TTC23: variants seen among roughly 807,000 people sequenced by gnomAD.
TTC23 encodes tetratricopeptide repeat domain 23, also known as tetratricopeptide repeat protein 23.
In TTC23, 58 loss-of-function variants were observed where a neutral mutation model predicts 55.1. That is an observed-to-expected ratio of 1.05 (90% CI 0.85 to 1.31). TTC23 has a LOEUF of 1.31. TTC23 is among the 50% of genes most tolerant of loss of function. TTC23 has a pLI of 0.00. For missense variants in TTC23, 516 were observed against 534.4 expected, an observed-to-expected ratio of 0.97 and a Z score of 0.34; for synonymous variants, 203 against 199.9, an observed-to-expected ratio of 1.02 and a Z score of -0.13.
At chr15:99,168,922 C>T (rs1332983753) in intron 10 of TTC23, among the ~76,000 whole-genome samples, 1 of 152,152 alleles carries the variant, frequency 6.6e-6, no homozygotes, top group Non-Finnish European at 1.5e-5. Flanking sequence ...GTGGGTAGCA[C>T]CTGGGTTCCA....
In TTC23 at chr15:99,156,293, G is replaced by T; in HGVS notation, c.998C>A (p.Ala333Glu). The T allele has an allele frequency of 6.2e-7, 1 of 1,614,150 alleles. No homozygotes were observed. The highest frequency in any genetic ancestry group is 8.5e-7 in the Non-Finnish European group (1 of 1,180,000). Reference sequence around the variant, plus strand: ...CAGGGACTCTCTCAGGATCGAGGTTGCTCTCTGTGAAAGGAACAAAAAGCT... The same window carrying T: ...CAGGGACTCTCTCAGGATCGAGGTTTCTCTCTGTGAAAGGAACAAAAAGCT... The part of the protein sequence containing the change: ...FLQMTGQKER[A>E]TSILRESLEA... Residue 333 changes from alanine to glutamate, a missense_variant, in exon 12 of 14, where the codon GCA becomes GAA. Transcript: ENST00000394132.
chr15:99,226,423 A>G (rs1366484282), intron 5 of TTC23, among the ~76,000 whole-genome samples: 1 of 152,242 alleles, frequency 6.6e-6, no homozygotes, highest in Non-Finnish European at 1.5e-5. Flanking sequence ...AATAAAGCAA[A>G]TGTTAAAAAT....
At chr15:99,205,475 T>C (rs1003558008) in intron 8 of TTC23, among the ~76,000 whole-genome samples, 1 of 152,134 alleles carries the variant, frequency 6.6e-6, no homozygotes, top group Non-Finnish European at 1.5e-5. Flanking sequence ...ATCAATGTTT[T>C]ATAGTTTTCA....
intron 8 of TTC23, among the ~76,000 whole-genome samples, chr15:99,214,286 T>C (rs1356511248): frequency 1.3e-5 from 2 of 151,714 alleles, no homozygotes; most frequent in East Asian, 3.9e-4. Context: ...GGTGGGCACA[T>C]CACAAGGTCA....
chr15:99,175,126 G>A lies in TTC23; in HGVS notation c.789C>T (p.Pro263=). The A allele has an allele frequency of 1.9e-6, 3 of 1,614,184 alleles. No individual in the cohort carries two copies. Among genetic ancestry groups the A allele is most frequent in the African/African-American group, 1.3e-5 (1 of 75,046 alleles). ...CCGAGTCTGCTGCCTCCACTTGAGA[G>A]GGGCTTCTACTCAGGATGATAAGAT... ...QAHLIILSRS[P]SQVEAADSAH... Residue 263 remains proline, a synonymous_variant, in exon 10 of 14, where the codon CCC becomes CCT. Transcript: ENST00000394132.
intron 9 of TTC23, among the ~76,000 whole-genome samples, chr15:99,192,558 T>C (rs143721492): frequency 2.0e-5 from 3 of 152,174 alleles, no homozygotes; most frequent in Non-Finnish European, 4.4e-5. Context: ...AAATCATGAA[T>C]TGAAGTTTGG....
chr15:99,146,536 C>G (rs551921407), intron 12 of TTC23, among the ~76,000 whole-genome samples: 1 of 152,202 alleles, frequency 6.6e-6, no homozygotes, highest in Non-Finnish European at 1.5e-5. Flanking sequence ...AGCGAAGCTC[C>G]GAAAAACCGC....
At chr15:99,189,783 A>G (rs2075067470) in intron 9 of TTC23, among the ~76,000 whole-genome samples, 1 of 152,228 alleles carries the variant, frequency 6.6e-6, no homozygotes, top group African/African-American at 2.4e-5. Context: ...AACTAAATGT[A>G]ATACATGATC....
chr15:99,193,984 G>T (rs573191983), intron 9 of TTC23, among the ~76,000 whole-genome samples: 1 of 151,962 alleles, frequency 6.6e-6, no homozygotes. Context: ...ACTCCAGCCT[G>T]GGTGGCAAGA....
chr15:99,189,657 C>T (rs578167425), intron 9 of TTC23, among the ~76,000 whole-genome samples: 1 of 152,164 alleles, frequency 6.6e-6, no homozygotes, highest in East Asian at 1.9e-4. Context: ...TTAGACAAAC[C>T]CAAACTAAGG....
chr15:99,194,097 G>A (rs1340523580), intron 9 of TTC23, among the ~76,000 whole-genome samples: 2 of 152,022 alleles, frequency 1.3e-5, no homozygotes, highest in African/African-American at 2.4e-5. Flanking sequence ...GGATAGATCT[G>A]GATTTAGTCA....
intron 4 of TTC23, among the ~76,000 whole-genome samples, chr15:99,229,157 A>C (rs1057039759): frequency 1.9e-4 from 29 of 152,126 alleles, no homozygotes; most frequent in African/African-American, 6.0e-4. Flanking sequence ...ATATATATAT[A>C]TCTAAAGTCC....
chr15:99,171,397 T>G (rs1472504365), intron 10 of TTC23, among the ~76,000 whole-genome samples: 1 of 152,054 alleles, frequency 6.6e-6, no homozygotes, highest in Non-Finnish European at 1.5e-5. Context: ...TGAACTCATC[T>G]GTAAAATGGG....
chr15:99,246,730 C>A (rs913458709), intron 1 of TTC23, among the ~76,000 whole-genome samples: 3 of 151,862 alleles, frequency 2.0e-5, no homozygotes, highest in Non-Finnish European at 4.4e-5. Flanking sequence ...ACCTGCCTGG[C>A]CAACATGGTG....
rs752306919 is a variant in TTC23 at position 99,218,136 on chromosome 15, A to C, written c.581+452T>G. On this transcript the variant is annotated intron_variant, in intron 8 of 13. Coordinates refer to ENST00000394132, the MANE Select transcript of TTC23 (RefSeq NM_001288615.3). The stretch of plus-strand genomic sequence containing the variant: ...CTCTTCCAGCTGAGTTTATTTGGTG[A>C]GTATGGAGTAAGGTGAGGAACAAAG... Among the ~76,000 whole-genome samples the C allele has an allele frequency of 6.0e-4, 92 of 152,326 alleles. 1 individual carries two copies. Among genetic ancestry groups the C allele is most frequent in the Non-Finnish European group, 1.2e-3 (82 of 68,026 alleles).
chr15:99,197,787 T>C (rs1253993936), intron 9 of TTC23, among the ~76,000 whole-genome samples: 2 of 151,704 alleles, frequency 1.3e-5, no homozygotes, highest in Non-Finnish European at 2.9e-5. Context: ...GCGCCTGTAA[T>C]CCCAGCTACT....
chr15:99,219,153 T>C (rs931298948), intron 6 of TTC23, 105 bp from the exon 7 acceptor site: 9 of 1,300,612 alleles, frequency 6.9e-6, no homozygotes, highest in Non-Finnish European at 9.6e-6. Flanking sequence ...TCACATATTG[T>C]CAAATGACAC....
intron 9 of TTC23, among the ~76,000 whole-genome samples, chr15:99,190,062 T>C (rs1414680087): frequency 1.3e-5 from 2 of 151,918 alleles, no homozygotes; most frequent in African/African-American, 4.8e-5. Flanking sequence ...ACGCCTATAG[T>C]CCCAGTTACT....
chr15:99,250,519 A>C (rs1421945520), upstream of TTC23, among the ~76,000 whole-genome samples: 1 of 152,214 alleles, frequency 6.6e-6, no homozygotes, highest in Non-Finnish European at 1.5e-5. Flanking sequence ...GTAGTAGAGG[A>C]TTATACTTTA....
Sources: allele counts gnomAD v4.1 joint callset (sites outside exome capture counted in the v4.1 genomes callset), GRCh38; gene constraint gnomAD v4.1.1; transcripts MANE v1.5; gene names NCBI Gene and HGNC (gene_info 2026-07-23, HGNC 2026-07-21).